Variants in ST8SIA1 observed in about 807,000 individuals in gnomAD.
The protein encoded by ST8SIA1 is alpha-N-acetylneuraminide alpha-2,8-sialyltransferase.
In ST8SIA1, 16 loss-of-function variants were observed where a neutral mutation model predicts 35.9. That is an observed-to-expected ratio of 0.45 (90% CI 0.30 to 0.68). ST8SIA1 has a LOEUF of 0.68. Ranked by LOEUF, ST8SIA1 falls within the 30% of genes least tolerant of loss-of-function variation. The pLI is 0.09. For missense variants in ST8SIA1, 383 were observed against 453.6 expected (o/e 0.84, Z 1.41); for synonymous variants, 170 against 169.6 (o/e 1.00, Z -0.02).
intron 3 of ST8SIA1, among the ~76,000 whole-genome samples, chr12:22,254,147 C>G (rs780963970): frequency 6.6e-6 from 1 of 152,154 alleles, no homozygotes; most frequent in Non-Finnish European, 1.5e-5. Context: ...TCATTTCCAC[C>G]TCAGTGAGGC....
In ST8SIA1 at chr12:22,328,245, G is replaced by A. The variant is rs147578755; in HGVS notation, c.236+5752C>T. ...TGCCAGAGTGCTGGACACACAGTAGGTCTCATTAAATATTTGTTGACCAAT... is the reference window on the plus strand; with the variant it reads ...TGCCAGAGTGCTGGACACACAGTAGATCTCATTAAATATTTGTTGACCAAT... On this transcript the variant is annotated intron_variant, in intron 1 of 4. Transcript: ENST00000396037. Among the ~76,000 whole-genome samples the A allele has an allele frequency of 2.1e-3, 315 of 152,312 alleles. 1 individual carries two copies. The highest frequency in any genetic ancestry group is 1.9e-3 in the South Asian group (9 of 4,826).
At chr12:22,276,028 T>C (rs1014283342) in intron 2 of ST8SIA1, among the ~76,000 whole-genome samples, 1 of 152,138 alleles carries the variant, frequency 6.6e-6, no homozygotes, top group Non-Finnish European at 1.5e-5. Flanking sequence ...AGGGGAATGA[T>C]ATGGAGGGAG....
At chr12:22,241,994 T>C (rs1473086028) in intron 4 of ST8SIA1, among the ~76,000 whole-genome samples, 1 of 152,226 alleles carries the variant, frequency 6.6e-6, no homozygotes, top group Non-Finnish European at 1.5e-5. Context: ...TTCCATAATT[T>C]TTCTTTTTCT....
chr12:22,261,759 T>C (rs1312251554), intron 2 of ST8SIA1, among the ~76,000 whole-genome samples: 1 of 152,184 alleles, frequency 6.6e-6, no homozygotes, highest in Admixed American at 6.5e-5. Context: ...GTGTGTTGCT[T>C]CTGAGATACC....
intron 4 of ST8SIA1, among the ~76,000 whole-genome samples, chr12:22,206,044 G>T (rs115856207): frequency 1.7e-3 from 262 of 152,154 alleles, no homozygotes; most frequent in African/African-American, 5.8e-3. Flanking sequence ...AAATGTTAAA[G>T]CATTCAGTTA....
rs796710182 is a variant in ST8SIA1 at position 22,224,410 on chromosome 12, A to G, written c.585-22372T>C. Among the ~76,000 whole-genome samples the G allele has an allele frequency of 1.8e-4, 27 of 151,920 alleles. 1 individual carries two copies. Among genetic ancestry groups the G allele is most frequent in the African/African-American group, 6.5e-4 (27 of 41,438 alleles). On this transcript the variant is annotated intron_variant, in intron 4 of 4. Coordinates refer to ENST00000396037, the MANE Select transcript of ST8SIA1 (RefSeq NM_003034.4). ...CTGCAACTTCCTCCTCTTGGGTTCA[A>G]GCGATTATCCTGCCTCAGCCTCCTG...
chr12:22,220,212 C>T (rs934663231), intron 4 of ST8SIA1, among the ~76,000 whole-genome samples: 3 of 152,120 alleles, frequency 2.0e-5, no homozygotes, highest in East Asian at 1.9e-4. Flanking sequence ...TGATGAGACA[C>T]GAGCACTCAA....
chr12:22,205,457 T>G (rs1865096638), intron 4 of ST8SIA1, among the ~76,000 whole-genome samples: 1 of 152,044 alleles, frequency 6.6e-6, no homozygotes, highest in Non-Finnish European at 1.5e-5. Context: ...TATAGCACAT[T>G]TTATAAAGGA....
In ST8SIA1 at chr12:22,297,540, C is replaced by G. The variant is rs543843863; in HGVS notation, c.237-10247G>C. The stretch of plus-strand genomic sequence containing the variant: ...TTCACAGAATGGAATTCCGTGTAAA[C>G]ACAAGTCAAAGATTCCCAACTTTCT... On this transcript the variant is annotated intron_variant, in intron 1 of 4. Transcript: ENST00000396037. Among the ~76,000 whole-genome samples, 28 of 152,114 alleles carry G rather than the reference C, an allele frequency of 1.8e-4. 1 individual carries two copies. Among genetic ancestry groups the G allele is most frequent in the South Asian group, 6.2e-4 (3 of 4,810 alleles).
chr12:22,306,420 G>T (rs966247633), intron 1 of ST8SIA1, among the ~76,000 whole-genome samples: 1 of 151,956 alleles, frequency 6.6e-6, no homozygotes, highest in African/African-American at 2.4e-5. Context: ...CTTGAGAAAG[G>T]GTACAAGCAA....
intron 4 of ST8SIA1, among the ~76,000 whole-genome samples, chr12:22,219,437 C>G (rs1160730996): frequency 6.6e-6 from 1 of 152,054 alleles, no homozygotes; most frequent in East Asian, 1.9e-4. Flanking sequence ...GAAGGGAGCA[C>G]CAGCTGCACT....
rs773055878 is a variant in ST8SIA1 at position 22,287,305 on chromosome 12, A to C, written c.237-12T>G. 6.8e-6 allele frequency: 11 copies of C among 1,608,168 alleles called. No individual in the cohort carries two copies. In the East Asian group the frequency reaches 2.5e-4, roughly 36 times the overall value. ...CTTCCATTTGTTTCCTAGGAGAGAAAACAGAGAGAGAGAAAAGAACAGCAG... is the reference window on the plus strand; with the variant it reads ...CTTCCATTTGTTTCCTAGGAGAGAACACAGAGAGAGAGAAAAGAACAGCAG... On this transcript the variant is annotated splice_polypyrimidine_tract_variant and intron_variant, in intron 1 of 4. Transcript: ENST00000396037.
intron 1 of ST8SIA1, among the ~76,000 whole-genome samples, chr12:22,331,020 T>A (rs895636462): frequency 2.6e-5 from 4 of 152,212 alleles, no homozygotes; most frequent in Non-Finnish European, 2.9e-5. Flanking sequence ...TATTCAAAAC[T>A]CTTACAGCTT....
intron 4 of ST8SIA1, among the ~76,000 whole-genome samples, chr12:22,246,168 G>T (rs189438501): frequency 2.2e-4 from 33 of 152,262 alleles, no homozygotes; most frequent in African/African-American, 7.2e-4. Flanking sequence ...TGGTGGGGGT[G>T]GGGGGTAGTC....
At chr12:22,286,915 T>C (rs1232512674) in intron 2 of ST8SIA1, among the ~76,000 whole-genome samples, 1 of 152,202 alleles carries the variant, frequency 6.6e-6, no homozygotes, top group Non-Finnish European at 1.5e-5. Flanking sequence ...CTCATAGGAC[T>C]CAAATCAGAA....
chr12:22,236,452 G>A (rs540658689), intron 4 of ST8SIA1, among the ~76,000 whole-genome samples: 107 of 152,290 alleles, frequency 7.0e-4, no homozygotes, highest in Non-Finnish European at 1.2e-3. Context: ...CACTGAAATT[G>A]CAACTCACTG....
intron 2 of ST8SIA1, among the ~76,000 whole-genome samples, chr12:22,257,237 A>G (rs1865737728): frequency 6.6e-6 from 1 of 152,072 alleles, no homozygotes; most frequent in African/African-American, 2.4e-5. Flanking sequence ...CTTTTGAGAC[A>G]GTCTCGCTTA....
intron 4 of ST8SIA1, among the ~76,000 whole-genome samples, chr12:22,210,756 TAA>T (rs1482943139): frequency 6.6e-6 from 1 of 152,244 alleles, no homozygotes; most frequent in African/African-American, 2.4e-5. Flanking sequence ...AAGTTTAGTC[TAA>T]AGCTGCCTCT....
intron 4 of ST8SIA1, among the ~76,000 whole-genome samples, chr12:22,209,325 G>T (rs1865150597): frequency 6.6e-6 from 1 of 152,028 alleles, no homozygotes. Flanking sequence ...TATCACAATG[G>T]GTAAATGAAC....
Sources: gnomAD v4.1 joint callset for allele counts (sites outside exome capture counted in the v4.1 genomes callset) on GRCh38, gnomAD v4.1.1 for gene constraint, MANE v1.5 for transcripts, NCBI Gene and HGNC (gene_info 2026-07-23, HGNC 2026-07-21) for gene names.